Variants in SEMA3E observed in about 807,000 individuals in gnomAD.
The protein encoded by SEMA3E is semaphorin 3E, also known as semaphorin-3E.
Under a neutral mutation model 93.6 loss-of-function variants are expected in SEMA3E, and 49 were observed. The ratio of observed to expected loss-of-function variants is 0.52; its 90% confidence interval spans 0.42 to 0.66. SEMA3E has a LOEUF of 0.66. Ranked by LOEUF, SEMA3E falls within the 30% of genes least tolerant of loss-of-function variation. The probability of loss-of-function intolerance (pLI) is 0.00; values close to 1 mark genes in which losing one functional copy is unlikely to be tolerated. For missense variants in SEMA3E, 906 were observed against 964.8 expected (o/e 0.94, Z 0.81); for synonymous variants, 363 against 330.7 (o/e 1.10, Z -1.06).
At chr7:83,418,154 G>A (rs1023529673) in intron 5 of SEMA3E, among the ~76,000 whole-genome samples, 2 of 152,022 alleles carry the variant, frequency 1.3e-5, no homozygotes, top group Admixed American at 6.6e-5. Flanking sequence ...GATATTAAAC[G>A]ACAATTTGTT....
chr7:83,541,375 T>C (rs887524835), intron 1 of SEMA3E, among the ~76,000 whole-genome samples: 2 of 152,024 alleles, frequency 1.3e-5, no homozygotes, highest in African/African-American at 4.8e-5. Context: ...AAACATTTGG[T>C]GAATCAATAA....
chr7:83,545,042 C>T (rs879727331), intron 1 of SEMA3E, among the ~76,000 whole-genome samples: 3 of 151,914 alleles, frequency 2.0e-5, no homozygotes, highest in African/African-American at 4.8e-5. Context: ...ATTAATGAAC[C>T]AGCAACAGAA....
intron 1 of SEMA3E, among the ~76,000 whole-genome samples, chr7:83,634,954 T>C (rs951872682): frequency 1.5e-4 from 23 of 152,082 alleles, no homozygotes; most frequent in African/African-American, 5.3e-4. Context: ...CTCTTTATAA[T>C]TTACGTTTTG....
At chr7:83,405,743 C>A (rs867050483) in intron 8 of SEMA3E, among the ~76,000 whole-genome samples, 1 of 152,024 alleles carries the variant, frequency 6.6e-6, no homozygotes, top group South Asian at 2.1e-4. Context: ...TGACTCTAAG[C>A]TAACAAGATG....
intron 1 of SEMA3E, among the ~76,000 whole-genome samples, chr7:83,500,954 TA>T: frequency 6.6e-6 from 1 of 152,334 alleles, no homozygotes; most frequent in East Asian, 1.9e-4. Flanking sequence ...GCTTTGATTT[TA>T]TTTAGGTACT....
At chr7:83,586,331 A>T (rs1427440262) in intron 1 of SEMA3E, among the ~76,000 whole-genome samples, 1 of 152,086 alleles carries the variant, frequency 6.6e-6, no homozygotes, top group African/African-American at 2.4e-5. Context: ...ATCTTGCTGA[A>T]TCATTTTTAT....
intron 1 of SEMA3E, among the ~76,000 whole-genome samples, chr7:83,606,495 A>G (rs1793121141): frequency 6.7e-6 from 1 of 149,858 alleles, no homozygotes; most frequent in Non-Finnish European, 1.5e-5. Context: ...CATCATTCTC[A>G]GTAAACTATC....
chr7:83,647,165 C>T (rs1017513872), intron 1 of SEMA3E, among the ~76,000 whole-genome samples: 1 of 152,038 alleles, frequency 6.6e-6, no homozygotes, highest in Non-Finnish European at 1.5e-5. Flanking sequence ...TTTATATTAT[C>T]TACTGGATAG....
At chr7:83,541,621 G>T (rs1430948364) in intron 1 of SEMA3E, among the ~76,000 whole-genome samples, 1 of 152,096 alleles carries the variant, frequency 6.6e-6, no homozygotes. Flanking sequence ...TATGGAAGGG[G>T]TGTCATTTTG....
intron 1 of SEMA3E, among the ~76,000 whole-genome samples, chr7:83,619,115 C>T (rs1474569492): frequency 6.6e-6 from 1 of 151,682 alleles, no homozygotes; most frequent in Non-Finnish European, 1.5e-5. Flanking sequence ...ACAAGTCTTG[C>T]AGAACTTCGG....
At chr7:83,579,845 T>C (rs1000150072) in intron 1 of SEMA3E, among the ~76,000 whole-genome samples, 25 of 152,098 alleles carry the variant, frequency 1.6e-4, no homozygotes, top group African/African-American at 5.3e-4. Context: ...ATTTTTTTAA[T>C]TGGCTAGCTA....
At chr7:83,487,759 T>G (rs1477924029) in intron 2 of SEMA3E, among the ~76,000 whole-genome samples, 1 of 149,460 alleles carries the variant, frequency 6.7e-6, no homozygotes, top group Admixed American at 6.7e-5. Context: ...AAGAGAGCAA[T>G]TAGTATACAT....
At position 83,469,230 on chromosome 7, in the gene SEMA3E, G is replaced by A. The variant is rs1457593504; in HGVS notation, c.336+13C>T. 1.9e-6 allele frequency: 3 copies of A among 1,591,652 alleles called. No homozygotes were observed. Among genetic ancestry groups the A allele is most frequent in the Non-Finnish European group, 2.6e-6 (3 of 1,160,274 alleles). ...ATTGATGATTTGTTTAATTTACAAT[G>A]AATCATACTTACCGCATCTTTTCCC... On this transcript the variant is annotated intron_variant, in intron 3 of 16. Transcript: ENST00000643230.
At position 83,438,681 on chromosome 7, in the gene SEMA3E, C is replaced by T. The variant is rs936467981; in HGVS notation, c.457-20198G>A. Among the ~76,000 whole-genome samples, 86 of 151,700 alleles carry T rather than the reference C, an allele frequency of 5.7e-4. 1 individual carries two copies. Among genetic ancestry groups the T allele is most frequent in the African/African-American group, 1.9e-3 (80 of 41,382 alleles). On this transcript the variant is annotated intron_variant, in intron 4 of 16. Transcript: ENST00000643230. ...AATTTGCATTTGGGTTACACCATAA[C>T]GGTCTCTTAGAAAAAAAATATGCTA...
At chr7:83,379,304 A>G (rs1202670908) in intron 16 of SEMA3E, among the ~76,000 whole-genome samples, 1 of 151,588 alleles carries the variant, frequency 6.6e-6, no homozygotes, top group Non-Finnish European at 1.5e-5. Context: ...AATGCTCACT[A>G]TTTGGGTGAT....
At chr7:83,443,404 T>C (rs1789159004) in intron 4 of SEMA3E, among the ~76,000 whole-genome samples, 1 of 152,150 alleles carries the variant, frequency 6.6e-6, no homozygotes, top group African/African-American at 2.4e-5. Flanking sequence ...CTGGCTTAGG[T>C]CACAGAAGAA....
rs1562758892 is a variant in SEMA3E, at chr7:83,390,252, CGT to C, written c.1667+2301_1667+2302del. Among the ~76,000 whole-genome samples the C allele has an allele frequency of 1.8e-4, 5 of 27,186 alleles. 2 individuals carry two copies. Among genetic ancestry groups the C allele is most frequent in the Admixed American group, 9.3e-4 (2 of 2,148 alleles). The allele number at this position is 27,186 out of a possible 152,430, so 17.8% of individuals were successfully genotyped here. ...GCGTATATATGCGCGTATATATGCGCGTATATATGCGCGTATATATGTGTATA... is the reference window on the plus strand; with the variant it reads ...GCGTATATATGCGCGTATATATGCGCATATATGCGCGTATATATGTGTATA... On this transcript the variant is annotated intron_variant, in intron 14 of 16. Transcript: ENST00000643230.
At chr7:83,627,179 G>T (rs577245540) in intron 1 of SEMA3E, among the ~76,000 whole-genome samples, 17 of 152,316 alleles carry the variant, frequency 1.1e-4, no homozygotes, top group African/African-American at 3.8e-4. Flanking sequence ...TGTATATTCT[G>T]TTGATTTGGA....
At chr7:83,394,642 C>T (rs1788085234) in intron 12 of SEMA3E, among the ~76,000 whole-genome samples, 1 of 152,078 alleles carries the variant, frequency 6.6e-6, no homozygotes, top group Non-Finnish European at 1.5e-5. Context: ...ACTCAAGTAT[C>T]TTTAAATAAA....
Sources: gnomAD v4.1 joint callset for allele counts (sites outside exome capture counted in the v4.1 genomes callset) on GRCh38, gnomAD v4.1.1 for gene constraint, MANE v1.5 for transcripts, NCBI Gene and HGNC (gene_info 2026-07-23, HGNC 2026-07-21) for gene names.